The following ARHGAP24 variants were observed in gnomAD, a reference collection of about 807,000 sequenced individuals.
ARHGAP24 encodes the protein rho GTPase-activating protein 24.
ARHGAP24 carries 50 observed loss-of-function variants against 76.4 expected under a neutral mutation model. That is an observed-to-expected ratio of 0.65 (90% CI 0.52 to 0.83). ARHGAP24 has a LOEUF of 0.83. Ranked by LOEUF, ARHGAP24 falls within the 40% of genes least tolerant of loss-of-function variation. ARHGAP24 has a pLI of 0.00. For synonymous variants in ARHGAP24, 345 were observed against 323.3 expected, an observed-to-expected ratio of 1.07 and a Z score of -0.72; for missense variants, 930 against 914.2, an observed-to-expected ratio of 1.02 and a Z score of -0.22.
chr4:85,720,161 G>A (rs1279669398), intron 2 of ARHGAP24, among the ~76,000 whole-genome samples: 1 of 152,042 alleles, frequency 6.6e-6, no homozygotes, highest in Non-Finnish European at 1.5e-5. Flanking sequence ...TATACCTAAT[G>A]TAAATGACAA....
intron 2 of ARHGAP24, among the ~76,000 whole-genome samples, chr4:85,673,819 G>A (rs1301455231): frequency 7.1e-6 from 1 of 140,136 alleles, no homozygotes; most frequent in South Asian, 2.3e-4. Flanking sequence ...CTGCCAGGGC[G>A]TATTTTCAGA....
intron 3 of ARHGAP24, among the ~76,000 whole-genome samples, chr4:85,908,506 G>A (rs374206799): frequency 1.6e-4 from 25 of 152,300 alleles, no homozygotes; most frequent in African/African-American, 4.6e-4. Context: ...CTAGGAATGA[G>A]GAGAATGTTG....
chr4:85,719,413 G>A (rs1370848417), intron 2 of ARHGAP24, among the ~76,000 whole-genome samples: 1 of 152,154 alleles, frequency 6.6e-6, no homozygotes, highest in Non-Finnish European at 1.5e-5. Flanking sequence ...ACAATTTCTT[G>A]GGTTTTGGTT....
chr4:85,497,753 G>C (rs1723635852), intron 1 of ARHGAP24, among the ~76,000 whole-genome samples: 1 of 152,180 alleles, frequency 6.6e-6, no homozygotes, highest in Non-Finnish European at 1.5e-5. Flanking sequence ...CCAGGAGGTG[G>C]AGGTTGCGGT....
chr4:85,570,172 C>T (rs1345038294), intron 1 of ARHGAP24, among the ~76,000 whole-genome samples: 3 of 152,174 alleles, frequency 2.0e-5, no homozygotes, highest in Non-Finnish European at 4.4e-5. Context: ...GCTCTCTCCA[C>T]GTTTCCTCTG....
At chr4:85,664,884 G>T (rs1722550750) in intron 2 of ARHGAP24, among the ~76,000 whole-genome samples, 3 of 152,100 alleles carry the variant, frequency 2.0e-5, no homozygotes, top group Admixed American at 6.5e-5. Context: ...GAGACAGTTT[G>T]TTATAATTTC....
chr4:85,812,854 G>A (rs921307346), intron 3 of ARHGAP24, among the ~76,000 whole-genome samples: 5 of 152,146 alleles, frequency 3.3e-5, no homozygotes, highest in East Asian at 1.9e-4. Context: ...TCATCTGGCC[G>A]TGAAATAACC....
chr4:85,847,123 A>G (rs1730938000), intron 3 of ARHGAP24, among the ~76,000 whole-genome samples: 1 of 152,152 alleles, frequency 6.6e-6, no homozygotes, highest in Non-Finnish European at 1.5e-5. Flanking sequence ...AAATCAGTAA[A>G]TTTTTATAAT....
Position 86,000,645 on chromosome 4 carries a change from C to A in ARHGAP24, c.2170C>A (p.Gln724Lys), listed in dbSNP as rs1740965615. 6.2e-7 allele frequency: 1 copy of A among 1,613,832 alleles called. No individual in the cohort carries two copies. Among genetic ancestry groups the A allele is most frequent in the Middle Eastern group, 1.6e-4 (1 of 6,084 alleles). Residue 724 changes from glutamine to lysine, a missense_variant, in exon 10 of 10, where the codon CAG becomes AAG. Physicochemically the swap from Gln to Lys is moderately conservative, Grantham distance 53 (BLOSUM62 1). Coordinates refer to ENST00000395184, the MANE Select transcript of ARHGAP24 (RefSeq NM_001025616.3). ...RNDMLQKEME[Q>K]FFSTFGELTV... ...TGACATGCTACAGAAAGAAATGGAG[C>A]AGTTTTTTTCCACGTTTGGAGAACT... is the stretch of plus-strand genomic sequence containing the variant.
intron 1 of ARHGAP24, among the ~76,000 whole-genome samples, chr4:85,488,832 T>G (rs1483847916): frequency 1.3e-5 from 2 of 152,198 alleles, no homozygotes; most frequent in Admixed American, 6.5e-5. Context: ...ATTGTTTAGA[T>G]GAGAAACATT....
intron 2 of ARHGAP24, among the ~76,000 whole-genome samples, chr4:85,591,370 C>T (rs2109980993): frequency 6.6e-6 from 1 of 152,244 alleles, no homozygotes; most frequent in East Asian, 1.9e-4. Context: ...AACAGATTTT[C>T]TTGCATGGTT....
Position 85,778,978 on chromosome 4 carries a change from C to T in ARHGAP24, c.268+57006C>T, listed in dbSNP as rs1005704421. 9 of 985,296 alleles carry T rather than the reference C, an allele frequency of 9.1e-6. No individual in the cohort carries two copies. In the African/African-American group the frequency reaches 1.6e-4, roughly 17 times the overall value. 61.0% of individuals were successfully genotyped at this position (985,296 alleles called of 1,614,324 possible). On this transcript the variant is annotated intron_variant, in intron 3 of 9. Coordinates refer to ENST00000395184, the MANE Select transcript of ARHGAP24 (RefSeq NM_001025616.3). ...AGTGACTTATAAGGTACTGTTTTTA[C>T]TCATTTAAATCTTCAGGGTTCATTT...
chr4:85,769,313 G>A (rs1232806556), intron 3 of ARHGAP24, among the ~76,000 whole-genome samples: 1 of 152,146 alleles, frequency 6.6e-6, no homozygotes, highest in Non-Finnish European at 1.5e-5. Context: ...TCTTAGTAAT[G>A]TATCATTGCA....
intron 1 of ARHGAP24, among the ~76,000 whole-genome samples, chr4:85,510,194 A>G (rs1189338539): frequency 6.6e-6 from 1 of 152,198 alleles, no homozygotes; most frequent in African/African-American, 2.4e-5. Context: ...GAGAAAAATA[A>G]AAAATGAGAG....
At chr4:85,656,882 A>C (rs1722196741) in intron 2 of ARHGAP24, among the ~76,000 whole-genome samples, 2 of 152,174 alleles carry the variant, frequency 1.3e-5, no homozygotes, top group Non-Finnish European at 2.9e-5. Context: ...TGGCTTTACT[A>C]ACAGTGTTGT....
chr4:85,733,081 T>TTTTTTTTTTTTTTA (rs70948746), intron 3 of ARHGAP24, among the ~76,000 whole-genome samples: 1 of 136,790 alleles, frequency 7.3e-6, no homozygotes, highest in Non-Finnish European at 1.5e-5. Context: ...TTTTTTTTTT[T>TTTTTTTTTTTTTTA]GAGATGGAGT....
At chr4:85,850,390 A>C (rs1731155655) in intron 3 of ARHGAP24, among the ~76,000 whole-genome samples, 1 of 152,028 alleles carries the variant, frequency 6.6e-6, no homozygotes, top group Non-Finnish European at 1.5e-5. Flanking sequence ...TGATCTTTTC[A>C]AAAAACCAGT....
In ARHGAP24 at chr4:85,994,931, T is replaced by C. The variant is rs750488510; in HGVS notation, c.1277T>C (p.Phe426Ser). ...PPLMVKKNPA[F>S]NKGSGIVTNG... is the part of the protein sequence containing the mutation. ...CTCATGGTCAAAAAGAACCCAGCCT[T>C]TAATAAGGGTAGTGGGATAGTTACC... The change falls in exon 9 of 10, where the codon TTT becomes TCT. Residue 426 changes from phenylalanine to serine, a missense_variant. By Grantham distance (155) the Phe-to-Ser change is radical. Transcript: ENST00000395184. The C allele has an allele frequency of 6.2e-7, 1 of 1,613,848 alleles. No homozygotes were observed. The highest frequency in any genetic ancestry group is 2.2e-5 in the East Asian group (1 of 44,872).
At chr4:85,676,941 A>G (rs1444088280) in intron 2 of ARHGAP24, among the ~76,000 whole-genome samples, 1 of 152,222 alleles carries the variant, frequency 6.6e-6, no homozygotes, top group Non-Finnish European at 1.5e-5. Context: ...GTGGCAGCAC[A>G]TGAAACAAGC....
Sources: gnomAD v4.1 joint callset for allele counts (sites outside exome capture counted in the v4.1 genomes callset) on GRCh38, gnomAD v4.1.1 for gene constraint, MANE v1.5 for transcripts, NCBI Gene and HGNC (gene_info 2026-07-23, HGNC 2026-07-21) for gene names.